The following PTGES3L variants were observed in gnomAD, a reference collection of about 807,000 sequenced individuals.
PTGES3L encodes the protein putative protein PTGES3L.
PTGES3L carries 17 observed loss-of-function variants against 25.0 expected under a neutral mutation model. The ratio of observed to expected loss-of-function variants is 0.68; its 90% CI spans 0.47 to 1.02. The LOEUF (loss-of-function observed/expected upper bound fraction) is 1.02, where lower values mean the gene tolerates loss of function less well. PTGES3L is among the 50% of genes least tolerant of loss of function. The pLI, the probability that PTGES3L is intolerant of heterozygous loss-of-function variation, is 0.00. For missense variants in PTGES3L, 202 were observed against 197.5 expected (o/e 1.02, Z -0.14); for synonymous variants, 59 against 65.7 (o/e 0.90, Z 0.50).
chr17:42,973,190 TGGGGGGGGG>T (rs2049883448), intron 4 of PTGES3L, among the ~76,000 whole-genome samples: 1 of 28,742 alleles, frequency 3.5e-5, no homozygotes, highest in African/African-American at 1.4e-4. Context: ...GGGAGGGAGG[TGGGGGGGGG>T]TCAGCCCCCC....
chr17:42,969,270 C>G, intron 6 of PTGES3L, 84 bp from the exon 7 acceptor site: 1 of 792,212 alleles, frequency 1.3e-6, no homozygotes, highest in South Asian at 2.3e-5. Flanking sequence ...TGCTTCCTCT[C>G]TCCTGTTCTC....
intron 4 of PTGES3L, among the ~76,000 whole-genome samples, chr17:42,978,234 C>G (rs2049998788): frequency 6.6e-6 from 1 of 151,846 alleles, no homozygotes; most frequent in Admixed American, 6.6e-5. Flanking sequence ...TGGTGAAACC[C>G]CGTCTCTACT....
chr17:42,979,848 G>C, intron 1 of PTGES3L, 185 bp from the exon 2 acceptor site: 1 of 1,440,094 alleles, frequency 6.9e-7, no homozygotes, highest in Non-Finnish European at 9.2e-7. Flanking sequence ...AACCTGGGAA[G>C]AATAGAACGT....
rs753988696 is a variant in PTGES3L at position 42,979,570 on chromosome 17, C to T, written c.102G>A (p.Glu34=). ...EDSTDVHVLI[E]DHRIVFSCKN... ...ACTACCTGAACACAATGCGGTGATC[C>T]TCAATAAGCACGTGGACATCGGTGC... The change falls in exon 2 of 7, where the codon GAG becomes GAA. Residue 34 remains glutamate, a synonymous_variant. Transcript: ENST00000591916. The T allele has an allele frequency of 9.9e-6, 16 of 1,614,144 alleles. No individual in the cohort carries two copies. The South Asian group carries it at 1.4e-4, about 14-fold the overall frequency.
chr17:42,972,558 G>A (rs899117928), intron 4 of PTGES3L, among the ~76,000 whole-genome samples: 4 of 152,270 alleles, frequency 2.6e-5, no homozygotes, highest in Non-Finnish European at 4.4e-5. Context: ...CCCTAACCGC[G>A]AGTGATCCGC....
chr17:42,971,915 C>T (rs568123911), intron 4 of PTGES3L: 18 of 498,952 alleles, frequency 3.6e-5, no homozygotes, highest in East Asian at 2.9e-4. Context: ...TCCGGCCAGG[C>T]GTGGTGGCTC....
intron 4 of PTGES3L, among the ~76,000 whole-genome samples, chr17:42,977,415 G>T (rs1329245052): frequency 8.5e-6 from 1 of 117,118 alleles, no homozygotes; most frequent in African/African-American, 3.1e-5. Flanking sequence ...GACAGAGTGA[G>T]ACTCTATCTC....
intron 5 of PTGES3L, among the ~76,000 whole-genome samples, chr17:42,970,669 A>AACACACACACACACACACACACACACAC (rs1491283411): frequency 8.4e-6 from 1 of 118,404 alleles, no homozygotes; most frequent in African/African-American, 4.0e-5. Flanking sequence ...TGTCTGGCTT[A>AACACACACACACACACACACACACACAC]ACACGCGCAC....
intron 4 of PTGES3L, among the ~76,000 whole-genome samples, chr17:42,973,395 AGCC>A (rs2049894051): frequency 7.0e-6 from 1 of 142,194 alleles, no homozygotes; most frequent in African/African-American, 2.6e-5. Flanking sequence ...CTGCCCGGCC[AGCC>A]GCCCCGTCCG....
chr17:42,971,106 T>C (rs2151947562), intron 5 of PTGES3L, among the ~76,000 whole-genome samples: 1 of 152,120 alleles, frequency 6.6e-6, no homozygotes, highest in Admixed American at 6.6e-5. Flanking sequence ...GAGACCAGCC[T>C]GGCCAACATG....
chr17:42,978,791 G>A (rs1302288058), intron 4 of PTGES3L, among the ~76,000 whole-genome samples: 2 of 151,960 alleles, frequency 1.3e-5, no homozygotes, highest in East Asian at 1.9e-4. Flanking sequence ...ACCTGAAGTC[G>A]GGAGTTCGAG....
chr17:42,979,876 G>A, intron 1 of PTGES3L, 170 bp downstream of exon 1: 6 of 1,442,504 alleles, frequency 4.2e-6, no homozygotes, highest in East Asian at 2.5e-5. Context: ...TAGGAAACTA[G>A]GAGGTCAGGG....
intron 6 of PTGES3L, 102 bp from the exon 7 acceptor site, chr17:42,969,288 C>G (rs896677445): frequency 1.4e-6 from 1 of 699,000 alleles, no homozygotes; most frequent in Non-Finnish European, 2.2e-6. Context: ...CTCCAAGTTT[C>G]TTTTTGTGAT....
chr17:42,975,071 C>T (rs962247033), intron 4 of PTGES3L, among the ~76,000 whole-genome samples: 3 of 144,808 alleles, frequency 2.1e-5, no homozygotes, highest in African/African-American at 5.1e-5. Flanking sequence ...AGAAGGGCAA[C>T]GCTGCTGTGA....
At chr17:42,977,408 AGAGT>A (rs1022982377) in intron 4 of PTGES3L, among the ~76,000 whole-genome samples, 6 of 145,168 alleles carry the variant, frequency 4.1e-5, no homozygotes, top group African/African-American at 1.5e-4. Flanking sequence ...CCTGGGTGAC[AGAGT>A]GAGACTCTAT....
intron 5 of PTGES3L, 70 bp downstream of exon 5, chr17:42,971,537 C>A: frequency 6.4e-7 from 1 of 1,570,074 alleles, no homozygotes; most frequent in Non-Finnish European, 8.7e-7. Flanking sequence ...GACAATCCTC[C>A]AGAGACATGT....
intron 4 of PTGES3L, 114 bp from the exon 5 acceptor site, chr17:42,971,810 C>G: frequency 1.1e-6 from 1 of 931,052 alleles, no homozygotes; most frequent in Non-Finnish European, 1.7e-6. Flanking sequence ...CAGTAGGTCC[C>G]TAGTCCTCCC....
chr17:42,980,019 G>A (rs1316047220), intron 1 of PTGES3L, 27 bp downstream of exon 1: 8 of 1,544,866 alleles, frequency 5.2e-6, no homozygotes, highest in Admixed American at 2.0e-5. Flanking sequence ...AAGGGCCAGG[G>A]GGAGCACCGG....
At chr17:42,976,975 G>C (rs922905949) in intron 4 of PTGES3L, among the ~76,000 whole-genome samples, 11 of 152,178 alleles carry the variant, frequency 7.2e-5, no homozygotes, top group African/African-American at 2.7e-4. Context: ...GAGCCTGGTT[G>C]TAAGCCACTA....
Sources: gnomAD v4.1 joint callset for allele counts (sites outside exome capture counted in the v4.1 genomes callset) on GRCh38, gnomAD v4.1.1 for gene constraint, MANE v1.5 for transcripts, NCBI Gene and HGNC (gene_info 2026-07-23, HGNC 2026-07-21) for gene names.